SRRM2: variants seen among roughly 807,000 people sequenced by gnomAD.
SRRM2 encodes the protein serine/arginine repetitive matrix 2, also known as serine/arginine repetitive matrix protein 2.
In SRRM2, 30 loss-of-function variants were observed where a neutral mutation model predicts 213.8. The ratio of observed to expected loss-of-function variants is 0.14; its 90% CI spans 0.10 to 0.19. The LOEUF (loss-of-function observed/expected upper bound fraction) is 0.19, where lower values mean the gene tolerates loss of function less well. SRRM2 is among the 10% of genes least tolerant of loss of function. The pLI, the probability that SRRM2 is intolerant of heterozygous loss-of-function variation, is 1.00. For synonymous variants in SRRM2, 2,025 were observed against 1,377.7 expected, an observed-to-expected ratio of 1.47 and a Z score of -10.40; for missense variants, 4,904 against 3,647.0, an observed-to-expected ratio of 1.34 and a Z score of -8.88.
At chr16:2,754,172 C>T (rs1356248144) in intron 1 of SRRM2, among the ~76,000 whole-genome samples, 1 of 152,048 alleles carries the variant, frequency 6.6e-6, no homozygotes, top group Non-Finnish European at 1.5e-5. Flanking sequence ...TGTGTCTTAA[C>T]ACACCCCTTA....
intron 2 of SRRM2, 134 bp downstream of exon 2, chr16:2,756,740 C>T (rs557890504): frequency 2.6e-5 from 33 of 1,270,504 alleles, no homozygotes; most frequent in Non-Finnish European, 3.1e-5. Context: ...GGCAGATGAG[C>T]TCTAGAGAAG....
Position 2,763,328 on chromosome 16 carries a change from TCTTCTC to T in SRRM2, c.2802_2807del (p.Pro938_Ser939del), listed in dbSNP as rs752211164. The T allele has an allele frequency of 1.9e-6, 3 of 1,614,072 alleles. No homozygotes were observed. In the African/African-American group the frequency reaches 4.0e-5, roughly 22 times the overall value. On this transcript the variant is annotated inframe_deletion, in exon 11 of 15. Transcript: ENST00000301740. Reference sequence around the variant, plus strand: ...AAGACAAAGAAGCCATTCTGGCTCCTCTTCTCCAAGTCCTAGTAGGGTGACGTCGAG... The same window carrying T: ...AAGACAAAGAAGCCATTCTGGCTCCTCAAGTCCTAGTAGGGTGACGTCGAG...
intron 4 of SRRM2, 106 bp from the exon 5 acceptor site, chr16:2,758,364 C>CT: frequency 9.1e-7 from 1 of 1,098,210 alleles, no homozygotes; most frequent in South Asian, 1.4e-5. Context: ...GAGCGAGACT[C>CT]TTATTTTTTT....
At position 2,757,763 on chromosome 16, in the gene SRRM2, T is replaced by C. The variant is rs768967729; in HGVS notation, c.351-18T>C. ...GTCCTTTATATTTCCTTCAGACTTT[T>C]GCCCTTCTTTTCTCTAGGGTCACGG... is the stretch of plus-strand genomic sequence containing the variant. On this transcript the variant is annotated intron_variant, in intron 3 of 14. Coordinates refer to ENST00000301740, the MANE Select transcript of SRRM2 (RefSeq NM_016333.4). The C allele has an allele frequency of 5.0e-6, 8 of 1,612,008 alleles. No homozygotes were observed. The highest frequency in any genetic ancestry group is 2.7e-5 in the African/African-American group (2 of 74,748).
In SRRM2 at chr16:2,765,256, G is replaced by T. The variant is rs199637327; in HGVS notation, c.4728G>T (p.Arg1576Ser). Residue 1576 changes from arginine to serine, a missense_variant, in exon 11 of 15, where the codon AGG becomes AGT. Coordinates refer to ENST00000301740, the MANE Select transcript of SRRM2 (RefSeq NM_016333.4). Reference sequence around the variant, plus strand: ...AGACAAGAACCCCACTTCGGCAGAGGAGTCGGTCTGGATCATCTCCAGAGG... The same window carrying T: ...AGACAAGAACCCCACTTCGGCAGAGTAGTCGGTCTGGATCATCTCCAGAGG... ...KAKTRTPLRQ[R>S]SRSGSSPEVD... 27 of 1,613,956 alleles carry T rather than the reference G, an allele frequency of 1.7e-5. No individual in the cohort carries two copies. The Admixed American group carries it at 2.7e-4, about 16-fold the overall frequency.
In SRRM2 at chr16:2,764,129, G is replaced by C. The variant is rs776839685; in HGVS notation, c.3601G>C (p.Val1201Leu). The C allele has an allele frequency of 5.0e-6, 8 of 1,614,024 alleles. No individual in the cohort carries two copies. In the African/African-American group the frequency reaches 8.0e-5, roughly 16 times the overall value. The stretch of plus-strand genomic sequence containing the variant: ...ACAGGATAGGCCTGAGTCTTCACTG[G>C]TATTCAAAGACACACTTAGAACCCC... ...PVQDRPESSL[V>L]FKDTLRTPPR... is the part of the protein sequence containing the mutation. The change falls in exon 11 of 15, where the codon GTA becomes CTA. Residue 1201 changes from valine (V) to leucine (L), a missense_variant. Val to Leu is a conservative substitution (Grantham distance 32). Coordinates refer to ENST00000301740, the MANE Select transcript of SRRM2 (RefSeq NM_016333.4).
Position 2,763,826 on chromosome 16 carries a change from A to C in SRRM2, c.3298A>C (p.Arg1100=), listed in dbSNP as rs1287968826. Residue 1100 remains arginine, a synonymous_variant, in exon 11 of 15, where the codon AGG becomes CGG. Transcript: ENST00000301740. The stretch of plus-strand genomic sequence containing the variant: ...AACATCACCTAAGGGAGGTCGGTCC[A>C]GGTCTTCATCTCCAGTCACTGAGCT... ...SQTSPKGGRS[R]SSSPVTELAS... is the part of the protein sequence containing the mutation. 6.2e-7 allele frequency: 1 copy of C among 1,614,236 alleles called. No individual in the cohort carries two copies. Among genetic ancestry groups the C allele is most frequent in the East Asian group, 2.2e-5 (1 of 44,892 alleles).
intron 11 of SRRM2, 172 bp from the exon 12 acceptor site, chr16:2,768,825 T>C (rs1396222643): frequency 4.9e-5 from 65 of 1,339,288 alleles, no homozygotes; most frequent in Admixed American, 1.4e-4. Flanking sequence ...TTAGCAGAGG[T>C]TGGGTCAGCT....
At position 2,765,402 on chromosome 16, in the gene SRRM2, A is replaced by C; in HGVS notation, c.4874A>C (p.Lys1625Thr). 1 of 1,614,072 alleles carries C rather than the reference A, an allele frequency of 6.2e-7. No homozygotes were observed. The highest frequency in any genetic ancestry group is 1.1e-5 in the South Asian group (1 of 91,072). The change falls in exon 11 of 15, where the codon AAA (lysine) becomes ACA (threonine). Residue 1625 changes from lysine to threonine, a missense_variant. Lys to Thr is a moderately conservative substitution (Grantham distance 78). Coordinates refer to ENST00000301740, the MANE Select transcript of SRRM2 (RefSeq NM_016333.4). ...QSGSDSSPEPKAPAPRALPRR... is the reference protein window; with the variant it reads ...QSGSDSSPEPTAPAPRALPRR... ...GGTTCTGATTCCTCTCCTGAACCTA[A>C]AGCTCCAGCCCCTCGGGCCCTTCCC...
rs1567234785 is a variant in SRRM2 at position 2,764,638 on chromosome 16, C to T, written c.4110C>T (p.Asp1370=). ...LNQLETDPSL[D]MKEQSTRSSG... Reference sequence around the variant, plus strand: ...AGCTGGAAACAGATCCATCTCTAGACATGAAAGAACAATCGACAAGATCCT... The same window carrying T: ...AGCTGGAAACAGATCCATCTCTAGATATGAAAGAACAATCGACAAGATCCT... Residue 1370 remains aspartate (D), a synonymous_variant, in exon 11 of 15, where the codon GAC becomes GAT. Transcript: ENST00000301740. The T allele has an allele frequency of 1.2e-6, 2 of 1,614,182 alleles. No homozygotes were observed. The highest frequency in any genetic ancestry group is 2.2e-5 in the South Asian group (2 of 91,088).
At chr16:2,760,675 A>G in intron 10 of SRRM2, 176 bp downstream of exon 10, 1 of 670,132 alleles carries the variant, frequency 1.5e-6, no homozygotes, top group Non-Finnish European at 2.5e-6. Context: ...TTGTTACTAG[A>G]CTGAATTGTG....
rs1482152948 is a variant in SRRM2 at position 2,761,603 on chromosome 16, A to G, written c.1075A>G (p.Thr359Ala). ...TAGCCCCTCTCCGGAAAGGAGCAGC[A>G]CAGGCCCAGAACCACCTGCTCCCAC... ...RPSPSPERSS[T>A]GPEPPAPTPL... The change falls in exon 11 of 15, where the codon ACA becomes GCA. Residue 359 changes from threonine (T) to alanine (A), a missense_variant. Thr to Ala is a moderately conservative substitution (Grantham distance 58, BLOSUM62 0). Transcript: ENST00000301740. The G allele has an allele frequency of 4.5e-6, 7 of 1,539,624 alleles. No homozygotes were observed. The highest frequency in any genetic ancestry group is 1.7e-6 in the Non-Finnish European group (2 of 1,148,656).
Position 2,770,549 on chromosome 16 carries a change from A to G in SRRM2, c.8136-55A>G, listed in dbSNP as rs538878733. ...AGAAGAAAGCTTTGCGGTTGTGGCT[A>G]TGTGGTGCCTGAGGTGGTGCCACCC... On this transcript the variant is annotated intron_variant, in intron 13 of 14. Coordinates refer to ENST00000301740, the MANE Select transcript of SRRM2 (RefSeq NM_016333.4). The G allele has an allele frequency of 3.7e-5, 57 of 1,552,652 alleles. No individual in the cohort carries two copies. In the African/African-American group the frequency reaches 5.7e-4, roughly 16 times the overall value.
intron 1 of SRRM2, among the ~76,000 whole-genome samples, chr16:2,755,119 C>CT (rs796466247): frequency 1.3e-5 from 2 of 152,288 alleles, no homozygotes; most frequent in African/African-American, 2.4e-5. Context: ...TTCTAGGAAA[C>CT]TATCTTGGAG....
At chr16:2,770,248 G>A (rs962121290) in intron 12 of SRRM2, 104 bp from the exon 13 acceptor site, 10 of 1,468,916 alleles carry the variant, frequency 6.8e-6, no homozygotes, top group Non-Finnish European at 8.1e-6. Context: ...GGCTGGCCCT[G>A]TGTGGTGTGA....
At chr16:2,759,959 C>T (rs1177627043) in intron 9 of SRRM2, 3 of 531,234 alleles carry the variant, frequency 5.6e-6, no homozygotes, top group South Asian at 4.7e-5. Context: ...GGAATCCTTA[C>T]CCTGGCTTCC....
In SRRM2 at chr16:2,764,169, G is replaced by C; in HGVS notation, c.3641G>C (p.Ser1214Thr). Residue 1214 changes from serine to threonine, a missense_variant, in exon 11 of 15, where the codon AGT becomes ACT. By Grantham distance (58) the Ser-to-Thr change is moderately conservative (BLOSUM62 1). Coordinates refer to ENST00000301740, the MANE Select transcript of SRRM2 (RefSeq NM_016333.4). ...DTLRTPPRERSGAGSSPETKE... is the reference protein window; with the variant it reads ...DTLRTPPRERTGAGSSPETKE... ...CTTAGAACCCCGCCAAGGGAAAGAAGTGGTGCTGGGTCATCTCCAGAAACA... is the reference window on the plus strand; with the variant it reads ...CTTAGAACCCCGCCAAGGGAAAGAACTGGTGCTGGGTCATCTCCAGAAACA... 2 of 1,614,206 alleles carry C rather than the reference G, an allele frequency of 1.2e-6. No homozygotes were observed. The highest frequency in any genetic ancestry group is 1.7e-6 in the Non-Finnish European group (2 of 1,180,026).
At chr16:2,770,141 T>C in intron 12 of SRRM2, 1 of 1,430,016 alleles carries the variant, frequency 7.0e-7, no homozygotes, top group East Asian at 2.5e-5. Context: ...ACTGTCTTTA[T>C]CTTTGCATCC....
At chr16:2,757,353 C>T (rs1032555671) in intron 2 of SRRM2, 119 bp from the exon 3 acceptor site, 6 of 764,030 alleles carry the variant, frequency 7.9e-6, no homozygotes, top group African/African-American at 3.5e-5. Flanking sequence ...TTTGGGTGAG[C>T]GAAAAGTTCT....
Sources: gnomAD v4.1 joint callset for allele counts (sites outside exome capture counted in the v4.1 genomes callset) on GRCh38, gnomAD v4.1.1 for gene constraint, MANE v1.5 for transcripts, NCBI Gene and HGNC (gene_info 2026-07-23, HGNC 2026-07-21) for gene names.